Variants in SLC3A1 observed in about 807,000 individuals in gnomAD.
SLC3A1 encodes the protein amino acid transporter heavy chain SLC3A1.
Under a neutral mutation model 60.3 loss-of-function variants are expected in SLC3A1, and 78 were observed. That is an observed-to-expected ratio of 1.29 (90% CI 1.08 to 1.56). SLC3A1 has a LOEUF of 1.56. SLC3A1 is among the 40% of genes most tolerant of loss of function. The probability of loss-of-function intolerance (pLI) is 0.00; values close to 1 mark genes in which losing one functional copy is unlikely to be tolerated. For synonymous variants in SLC3A1, 392 were observed against 307.9 expected, an observed-to-expected ratio of 1.27 and a Z score of -2.86; for missense variants, 1,172 against 858.9, an observed-to-expected ratio of 1.36 and a Z score of -4.56.
At position 44,285,996 on chromosome 2, in the gene SLC3A1, A is replaced by G. The variant is rs114093495; in HGVS notation, c.766-36A>G. 1.3e-3 allele frequency: 2,139 copies of G among 1,613,450 alleles called. 36 individuals are homozygous for G. The African/African-American group carries it at 0.026, about 19-fold the overall frequency. ...ATCTTTATTTGTGGGCAATACCATT[A>G]TAGGTCACTGATGTGCTGTTTTCTT... is the stretch of plus-strand genomic sequence containing the variant. On this transcript the variant is annotated intron_variant, in intron 3 of 9. Transcript: ENST00000260649.
At chr2:44,322,040 A>G (rs1489880501), downstream of SLC3A1, 1 of 806,006 alleles carries the variant, frequency 1.2e-6, no homozygotes, top group Admixed American at 3.0e-5. Flanking sequence ...ACCATCATCA[A>G]CAAAAAGATG....
intron 9 of SLC3A1, chr2:44,315,034 C>G (rs368177166): frequency 7.1e-6 from 1 of 140,356 alleles, no homozygotes; most frequent in African/African-American, 2.6e-5. Flanking sequence ...TGGGTTCAAG[C>G]GATTCTCCTA....
chr2:44,300,487 G>C (rs1671975277), intron 5 of SLC3A1, among the ~76,000 whole-genome samples: 1 of 152,024 alleles, frequency 6.6e-6, no homozygotes, highest in South Asian at 2.1e-4. Context: ...TGTCATCCTA[G>C]AAAGACATAG....
At chr2:44,285,453 C>T in intron 3 of SLC3A1, 1 of 333,206 alleles carries the variant, frequency 3.0e-6, no homozygotes, top group Admixed American at 3.9e-5. Flanking sequence ...GAGAGTCATA[C>T]CATGGGGCCA....
rs147809586 is a variant in SLC3A1 at position 44,320,886 on chromosome 2, C to G, written c.*247C>G. The G allele has an allele frequency of 4.0e-6, 2 of 505,798 alleles. No individual in the cohort carries two copies. The highest frequency in any genetic ancestry group is 3.5e-5 in the East Asian group (1 of 28,732). The allele number at this position is 505,798 out of a possible 1,614,324, so 31.3% of individuals were successfully genotyped here. A position where few individuals can be genotyped will look rare whatever the true frequency, so the allele number is the denominator to read the frequency against. On this transcript the variant is annotated 3_prime_UTR_variant, in exon 10 of 10. Transcript: ENST00000260649. ...GCATCAATCAGGGATGACCAGAACA[C>G]ATTAGGACCCCAGATTATTCAAAAA...
Position 44,320,679 on chromosome 2 carries a change from G to T in SLC3A1, c.*40G>T, listed in dbSNP as rs370106397. The stretch of plus-strand genomic sequence containing the variant: ...AGATGAAGACACTGGCATTTCAGTG[G>T]GATTGTAAGCATTTGTAATAGCTTC... On this transcript the variant is annotated 3_prime_UTR_variant, in exon 10 of 10. Coordinates refer to ENST00000260649, the MANE Select transcript of SLC3A1 (RefSeq NM_000341.4). 6.7e-7 allele frequency: 1 copy of T among 1,498,078 alleles called. No homozygotes were observed. Among genetic ancestry groups the T allele is most frequent in the South Asian group, 1.1e-5 (1 of 88,370 alleles). 92.8% of individuals were successfully genotyped at this position (1,498,078 alleles called of 1,614,324 possible). A position where few individuals can be genotyped will look rare whatever the true frequency, so the allele number is the denominator to read the frequency against.
chr2:44,310,287 G>C (rs1672261457), intron 7 of SLC3A1, among the ~76,000 whole-genome samples: 1 of 152,164 alleles, frequency 6.6e-6, no homozygotes, highest in Non-Finnish European at 1.5e-5. Context: ...CATGTACGAA[G>C]GTTCCAATTT....
intron 5 of SLC3A1, 80 bp downstream of exon 5, chr2:44,300,170 C>G (rs750379624): frequency 1.8e-5 from 26 of 1,406,334 alleles, no homozygotes; most frequent in Non-Finnish European, 2.4e-5. Context: ...GCCTGAGATA[C>G]CAGTTACAAA....
At chr2:44,313,985 G>GAAAC (rs1558469801) in intron 9 of SLC3A1, 34 bp downstream of exon 9, 1 of 1,613,376 alleles carries the variant, frequency 6.2e-7, no homozygotes, top group Non-Finnish European at 8.5e-7. Context: ...GTTGATTCTA[G>GAAAC]AAACAAAGAA....
At chr2:44,283,426 A>C (rs1178701253) in intron 3 of SLC3A1, among the ~76,000 whole-genome samples, 1 of 152,194 alleles carries the variant, frequency 6.6e-6, no homozygotes, top group Admixed American at 6.5e-5. Flanking sequence ...CTCTGTGCTA[A>C]GTGTTTTATA....
At chr2:44,285,927 C>T (rs887969646) in intron 3 of SLC3A1, 105 bp from the exon 4 acceptor site, 1 of 1,443,714 alleles carries the variant, frequency 6.9e-7, no homozygotes, top group South Asian at 1.2e-5. Context: ...GGAAAACTCT[C>T]AGGATTTACA....
At chr2:44,287,803 G>A (rs1036822043) in intron 4 of SLC3A1, among the ~76,000 whole-genome samples, 1 of 152,156 alleles carries the variant, frequency 6.6e-6, no homozygotes, top group Admixed American at 6.5e-5. Flanking sequence ...TAACAGAACG[G>A]GGAGCATTGG....
At chr2:44,281,659 C>A (rs1201193042) in intron 3 of SLC3A1, 118 bp downstream of exon 3, 4 of 916,384 alleles carry the variant, frequency 4.4e-6, no homozygotes, top group Admixed American at 2.1e-5. Flanking sequence ...CGGAAGGGGG[C>A]AAGTTTCTGA....
chr2:44,315,063 C>G (rs1672395641), intron 9 of SLC3A1: 1 of 149,096 alleles, frequency 6.7e-6, no homozygotes, highest in Non-Finnish European at 1.5e-5. Flanking sequence ...TCCCAAGTAT[C>G]TGGGATTACA....
At chr2:44,290,334 G>C (rs1379429952) in intron 4 of SLC3A1, among the ~76,000 whole-genome samples, 1 of 152,000 alleles carries the variant, frequency 6.6e-6, no homozygotes, top group Non-Finnish European at 1.5e-5. Context: ...AATTACTAGC[G>C]CTTTGTAGTA....
At chr2:44,292,454 G>A (rs1671761154) in intron 4 of SLC3A1, among the ~76,000 whole-genome samples, 1 of 152,048 alleles carries the variant, frequency 6.6e-6, no homozygotes, top group Non-Finnish European at 1.5e-5. Flanking sequence ...TGTGTGTCTT[G>A]ACCATGTGCT....
chr2:44,321,998 A>C (rs17498076), downstream of SLC3A1: 11,347 of 1,248,256 alleles, frequency 9.1e-3, 69 homozygotes, highest in South Asian at 0.015. Context: ...TACTCAGTTC[A>C]AATAATAGTA....
intron 3 of SLC3A1, chr2:44,285,385 A>G: frequency 4.2e-6 from 1 of 235,332 alleles, no homozygotes; most frequent in Non-Finnish European, 8.6e-6. Context: ...AAACTCTCAC[A>G]TTCAAGGGCC....
intron 7 of SLC3A1, among the ~76,000 whole-genome samples, chr2:44,306,041 C>A (rs1672147006): frequency 1.3e-5 from 2 of 152,340 alleles, no homozygotes; most frequent in East Asian, 1.9e-4. Context: ...ACGGTGCCCA[C>A]CTCACACGGA....
Sources: gnomAD v4.1 joint callset for allele counts (sites outside exome capture counted in the v4.1 genomes callset) on GRCh38, gnomAD v4.1.1 for gene constraint, MANE v1.5 for transcripts, NCBI Gene and HGNC (gene_info 2026-07-23, HGNC 2026-07-21) for gene names.